The following SORCS3 variants were observed in gnomAD, a reference collection of about 807,000 sequenced individuals.
The protein encoded by SORCS3 is VPS10 domain-containing receptor SorCS3.
In SORCS3, 57 loss-of-function variants were observed where a neutral mutation model predicts 146.3. That is an observed-to-expected ratio of 0.39 (90% CI 0.31 to 0.49). The LOEUF (loss-of-function observed/expected upper bound fraction) is 0.49. Among genes scored for constraint, SORCS3 ranks in the 20% least tolerant of loss-of-function variants. The pLI is 0.92. For synonymous variants in SORCS3, 653 were observed against 618.5 expected, an observed-to-expected ratio of 1.06 and a Z score of -0.83; for missense variants, 1,341 against 1,575.5, an observed-to-expected ratio of 0.85 and a Z score of 2.52.
At chr10:105,184,214 A>G (rs1564778697) in intron 14 of SORCS3, among the ~76,000 whole-genome samples, 1 of 152,210 alleles carries the variant, frequency 6.6e-6, no homozygotes, top group Non-Finnish European at 1.5e-5. Context: ...CAACTATTCA[A>G]TCCTTCTAGC....
intron 10 of SORCS3, 54 bp from the exon 11 acceptor site, chr10:105,158,838 G>A: frequency 7.3e-7 from 1 of 1,364,648 alleles, no homozygotes; most frequent in South Asian, 1.2e-5. Context: ...AGTGGGGCAG[G>A]GGTACAGGTG....
chr10:104,951,459 C>G (rs766352031), intron 3 of SORCS3, among the ~76,000 whole-genome samples: 19 of 152,060 alleles, frequency 1.2e-4, no homozygotes, highest in Non-Finnish European at 2.5e-4. Flanking sequence ...GGATCAGTAG[C>G]TGGGACTACA....
chr10:105,103,566 A>C (rs2055801214), intron 6 of SORCS3, among the ~76,000 whole-genome samples: 1 of 152,212 alleles, frequency 6.6e-6, no homozygotes, highest in Non-Finnish European at 1.5e-5. Flanking sequence ...GGCAAAGAGC[A>C]CAGGTAATGG....
intron 4 of SORCS3, among the ~76,000 whole-genome samples, chr10:104,985,383 A>G (rs115067201): frequency 0.012 from 1,755 of 152,208 alleles, 28 homozygotes; most frequent in African/African-American, 0.04. Flanking sequence ...GGCTCCACTT[A>G]TAATTCTACT....
chr10:104,698,113 G>A (rs2016238282), intron 1 of SORCS3, among the ~76,000 whole-genome samples: 1 of 152,222 alleles, frequency 6.6e-6, no homozygotes, highest in Admixed American at 6.5e-5. Context: ...CATGGACCAT[G>A]TGAGTTCATT....
intron 7 of SORCS3, among the ~76,000 whole-genome samples, chr10:105,109,271 A>G (rs2055843303): frequency 6.6e-6 from 1 of 152,142 alleles, no homozygotes; most frequent in Non-Finnish European, 1.5e-5. Context: ...TAATTCTGTT[A>G]GACTTAAATA....
At chr10:104,786,512 C>T (rs996016272) in intron 1 of SORCS3, among the ~76,000 whole-genome samples, 1 of 144,428 alleles carries the variant, frequency 6.9e-6, no homozygotes, top group Non-Finnish European at 1.5e-5. Context: ...GGCACCACTG[C>T]ACTCCAGCTT....
Position 104,977,396 on chromosome 10 carries a change from C to T in SORCS3, c.857C>T (p.Ala286Val), listed in dbSNP as rs139171852. The T allele has an allele frequency of 9.3e-6, 15 of 1,613,534 alleles. No homozygotes were observed. The highest frequency in any genetic ancestry group is 5.0e-5 in the Admixed American group (3 of 59,978). Residue 286 changes from alanine to valine, a missense_variant, in exon 4 of 27, where the codon GCG becomes GTG. Physicochemically the swap from Ala to Val is moderately conservative, Grantham distance 64. Coordinates refer to ENST00000369701, the MANE Select transcript of SORCS3 (RefSeq NM_014978.3). The part of the protein sequence containing the change: ...SSILISSDEG[A>V]TYQKYRLTFY... ...ATATTGATCAGCTCAGACGAAGGGGCGACCTATCAGAAGTATCGGCTCACC... is the reference window on the plus strand; with the variant it reads ...ATATTGATCAGCTCAGACGAAGGGGTGACCTATCAGAAGTATCGGCTCACC...
intron 1 of SORCS3, among the ~76,000 whole-genome samples, chr10:104,823,187 G>T (rs940748729): frequency 6.6e-6 from 1 of 152,150 alleles, no homozygotes; most frequent in Non-Finnish European, 1.5e-5. Context: ...GGAGAACCTA[G>T]GCCATGAGCA....
intron 1 of SORCS3, among the ~76,000 whole-genome samples, chr10:104,732,539 T>C (rs1389714954): frequency 2.0e-5 from 3 of 152,190 alleles, no homozygotes; most frequent in Admixed American, 2.0e-4. Flanking sequence ...GCCTTTGCTG[T>C]GCCCCCAAGG....
chr10:105,176,898 T>A (rs1445279719), intron 13 of SORCS3, among the ~76,000 whole-genome samples: 1 of 150,502 alleles, frequency 6.6e-6, no homozygotes, highest in Non-Finnish European at 1.5e-5. Flanking sequence ...GGTGGGAGAA[T>A]CAGACATCTT....
chr10:104,783,337 C>T (rs1212718601), intron 1 of SORCS3, among the ~76,000 whole-genome samples: 2 of 152,180 alleles, frequency 1.3e-5, no homozygotes, highest in African/African-American at 2.4e-5. Flanking sequence ...TGTCTGATCA[C>T]GTTACCCTGG....
intron 1 of SORCS3, among the ~76,000 whole-genome samples, chr10:104,714,996 T>C (rs757409044): frequency 2.0e-5 from 3 of 152,160 alleles, no homozygotes; most frequent in Non-Finnish European, 4.4e-5. Flanking sequence ...GAGGAATGAG[T>C]ATAATTTAAG....
intron 16 of SORCS3, among the ~76,000 whole-genome samples, chr10:105,209,227 C>T (rs1361301712): frequency 6.6e-6 from 1 of 151,978 alleles, no homozygotes; most frequent in African/African-American, 2.4e-5. Context: ...CTGTAACTTC[C>T]ACCTCCTGGG....
chr10:104,902,941 C>G (rs1204713683), intron 2 of SORCS3, among the ~76,000 whole-genome samples: 1 of 152,164 alleles, frequency 6.6e-6, no homozygotes, highest in Admixed American at 6.5e-5. Flanking sequence ...GTATAGCTTT[C>G]CAATAGGAAA....
chr10:104,882,274 G>T (rs1210722798), intron 2 of SORCS3, among the ~76,000 whole-genome samples: 2 of 152,168 alleles, frequency 1.3e-5, no homozygotes, highest in African/African-American at 4.8e-5. Flanking sequence ...TTATTGCAAA[G>T]GAGGTTCCCA....
At chr10:105,159,786 C>T (rs184884530) in intron 11 of SORCS3, among the ~76,000 whole-genome samples, 1 of 152,318 alleles carries the variant, frequency 6.6e-6, no homozygotes, top group East Asian at 1.9e-4. Context: ...GCTCTGGTCC[C>T]TGGAGTTCCT....
chr10:104,961,775 G>A (rs1022667279), intron 3 of SORCS3, among the ~76,000 whole-genome samples: 1 of 152,090 alleles, frequency 6.6e-6, no homozygotes, highest in South Asian at 2.1e-4. Flanking sequence ...GTCTAGTAGG[G>A]CACTGATGAA....
intron 16 of SORCS3, among the ~76,000 whole-genome samples, chr10:105,206,675 A>G (rs967285522): frequency 2.0e-5 from 3 of 152,238 alleles, no homozygotes; most frequent in Admixed American, 2.0e-4. Context: ...GCATTTTCTG[A>G]AATAGTTGGG....
Sources: allele counts gnomAD v4.1 joint callset (sites outside exome capture counted in the v4.1 genomes callset), GRCh38; gene constraint gnomAD v4.1.1; transcripts MANE v1.5; gene names NCBI Gene and HGNC (gene_info 2026-07-23, HGNC 2026-07-21).